The following TMEM108 variants were observed in gnomAD, a reference collection of about 807,000 sequenced individuals.
The protein encoded by TMEM108 is cancer/testis antigen 124.
Under a neutral mutation model 35.1 loss-of-function variants are expected in TMEM108, and 12 were observed. The observed-to-expected ratio is 0.34, with a 90% CI of 0.22 to 0.55. TMEM108 has a LOEUF of 0.55. TMEM108 is among the 20% of genes least tolerant of loss of function. The pLI, the probability that TMEM108 is intolerant of heterozygous loss-of-function variation, is 0.89. For synonymous variants in TMEM108, 287 were observed against 308.6 expected, an observed-to-expected ratio of 0.93 and a Z score of 0.73; for missense variants, 680 against 753.3, an observed-to-expected ratio of 0.90 and a Z score of 1.14.
chr3:133,154,983 C>G (rs1020158792), intron 2 of TMEM108, among the ~76,000 whole-genome samples: 3 of 152,002 alleles, frequency 2.0e-5, no homozygotes, highest in Non-Finnish European at 4.4e-5. Flanking sequence ...CACCTGGGTA[C>G]TTTTTTCCTG....
chr3:133,332,832 CT>C (rs1276614172), intron 3 of TMEM108, among the ~76,000 whole-genome samples: 1 of 152,192 alleles, frequency 6.6e-6, no homozygotes, highest in Non-Finnish European at 1.5e-5. Flanking sequence ...ATTTGTGTTA[CT>C]TTCACAAACT....
chr3:133,337,519 A>G (rs929907182), intron 3 of TMEM108, among the ~76,000 whole-genome samples: 4 of 152,200 alleles, frequency 2.6e-5, no homozygotes, highest in Admixed American at 1.3e-4. Flanking sequence ...TAACGCAGAT[A>G]TGGCTTAGAT....
chr3:133,222,240 C>T (rs1299290443), intron 2 of TMEM108, among the ~76,000 whole-genome samples: 3 of 152,022 alleles, frequency 2.0e-5, no homozygotes, highest in East Asian at 1.9e-4. Context: ...TATATCATCC[C>T]ACTCTCTCTT....
chr3:133,188,353 A>G (rs1308267333), intron 2 of TMEM108, among the ~76,000 whole-genome samples: 1 of 151,570 alleles, frequency 6.6e-6, no homozygotes, highest in Admixed American at 6.6e-5. Context: ...GTCCTCTCCC[A>G]TCCTGCCCTG....
At chr3:133,361,268 A>G (rs1030894990) in intron 3 of TMEM108, among the ~76,000 whole-genome samples, 1 of 152,256 alleles carries the variant, frequency 6.6e-6, no homozygotes, top group Non-Finnish European at 1.5e-5. Flanking sequence ...GTGTGACTCA[A>G]AGAGCCTGCA....
At chr3:133,302,858 A>G (rs1947249527) in intron 3 of TMEM108, among the ~76,000 whole-genome samples, 1 of 152,160 alleles carries the variant, frequency 6.6e-6, no homozygotes, top group African/African-American at 2.4e-5. Flanking sequence ...CACGTGCACC[A>G]TGCCTGCTCT....
At chr3:133,258,180 C>T (rs1417184457) in intron 3 of TMEM108, among the ~76,000 whole-genome samples, 1 of 152,174 alleles carries the variant, frequency 6.6e-6, no homozygotes, top group Non-Finnish European at 1.5e-5. Flanking sequence ...TTTCTCACCC[C>T]TTCCTCCGTT....
At chr3:133,385,530 C>G (rs2073126328) in intron 4 of TMEM108, among the ~76,000 whole-genome samples, 1 of 152,238 alleles carries the variant, frequency 6.6e-6, no homozygotes, top group South Asian at 2.1e-4. Context: ...CTCCCTCAGC[C>G]TCCAAAGGAG....
chr3:133,215,021 T>G (rs7629209), intron 2 of TMEM108, among the ~76,000 whole-genome samples: 2,285 of 152,234 alleles, frequency 0.015, 76 homozygotes, highest in African/African-American at 0.051. Flanking sequence ...GTATATAGTC[T>G]CCATGAATGT....
intron 2 of TMEM108, among the ~76,000 whole-genome samples, chr3:133,166,512 G>A (rs951186243): frequency 3.9e-5 from 6 of 152,236 alleles, no homozygotes; most frequent in Non-Finnish European, 5.9e-5. Flanking sequence ...TCTGATGTTC[G>A]GACGTGTTCG....
rs141827036 is a variant in TMEM108, at chr3:133,141,204, A to G, written c.-46-88062A>G. Among the ~76,000 whole-genome samples the G allele has an allele frequency of 3.3e-3, 510 of 152,296 alleles. 4 individuals are homozygous for G. The highest frequency in any genetic ancestry group is 0.011 in the African/African-American group (443 of 41,556). ...TAATGGTTAGGTTGTTTCCAGAGCT[A>G]TGGTGCCAGCAGGGCCATTGTGGTT... On this transcript the variant is annotated intron_variant, in intron 2 of 5. Transcript: ENST00000321871.
intron 2 of TMEM108, among the ~76,000 whole-genome samples, chr3:133,092,233 A>T (rs1943955928): frequency 6.6e-6 from 1 of 152,224 alleles, no homozygotes; most frequent in Admixed American, 6.5e-5. Flanking sequence ...ATACAGCCTG[A>T]CAAGGAACCA....
intron 2 of TMEM108, among the ~76,000 whole-genome samples, chr3:133,206,468 T>C (rs1044139221): frequency 4.6e-5 from 7 of 152,186 alleles, no homozygotes; most frequent in Admixed American, 1.3e-4. Context: ...TGTTGGTACC[T>C]ATGGATGGGA....
rs372110758 is a variant in TMEM108, at chr3:133,376,693, G to A, written c.41-3059G>A. 5.9e-5 allele frequency among the ~76,000 whole-genome samples: 9 copies of A among 152,240 alleles called. No homozygotes were observed. The East Asian group carries it at 1.2e-3, about 20-fold the overall frequency. On this transcript the variant is annotated intron_variant, in intron 3 of 5. Transcript: ENST00000321871. ...CTGACGTCCCCTGTGAGTTTGAGGT[G>A]CCCACCTGGACCAGCTCATAACCTG...
At chr3:133,268,452 A>G (rs544051317) in intron 3 of TMEM108, among the ~76,000 whole-genome samples, 3 of 152,314 alleles carry the variant, frequency 2.0e-5, no homozygotes, top group East Asian at 1.9e-4. Flanking sequence ...GAGAAGTGCT[A>G]TTATAGAGGA....
intron 3 of TMEM108, among the ~76,000 whole-genome samples, chr3:133,325,264 C>T (rs1317850105): frequency 6.6e-6 from 1 of 151,970 alleles, no homozygotes; most frequent in Admixed American, 6.6e-5. Context: ...TTTTCACAAG[C>T]GGGAGCTAAG....
intron 2 of TMEM108, among the ~76,000 whole-genome samples, chr3:133,206,630 G>T (rs1204274822): frequency 6.6e-6 from 1 of 152,200 alleles, no homozygotes; most frequent in African/African-American, 2.4e-5. Flanking sequence ...CACCAGCAGA[G>T]GCTGCAGAAT....
chr3:133,093,657 GA>G (rs1943975790), intron 2 of TMEM108, among the ~76,000 whole-genome samples: 1 of 152,152 alleles, frequency 6.6e-6, no homozygotes, highest in African/African-American at 2.4e-5. Flanking sequence ...GAGTGGTCTG[GA>G]ATTATGGGGA....
At chr3:133,075,647 A>G (rs977116008) in intron 2 of TMEM108, among the ~76,000 whole-genome samples, 17 of 151,932 alleles carry the variant, frequency 1.1e-4, no homozygotes, top group African/African-American at 3.6e-4. Flanking sequence ...CCTCCCTTGC[A>G]CCTATCCTTT....
Sources: gnomAD v4.1 joint callset for allele counts (sites outside exome capture counted in the v4.1 genomes callset) on GRCh38, gnomAD v4.1.1 for gene constraint, MANE v1.5 for transcripts, NCBI Gene and HGNC (gene_info 2026-07-23, HGNC 2026-07-21) for gene names.